Variants in FGGY observed in about 807,000 individuals in gnomAD.
The protein encoded by FGGY is FGGY carbohydrate kinase domain containing.
FGGY carries 72 observed loss-of-function variants against 71.3 expected under a neutral mutation model. The ratio of observed to expected loss-of-function variants is 1.01; its 90% CI spans 0.84 to 1.23. FGGY has a LOEUF of 1.23. FGGY is among the 50% of genes most tolerant of loss of function. FGGY has a pLI of 0.00. For missense variants in FGGY, 668 were observed against 682.3 expected (o/e 0.98, Z 0.23); for synonymous variants, 251 against 250.3 (o/e 1.00, Z -0.02).
intron 5 of FGGY, among the ~76,000 whole-genome samples, chr1:59,405,515 T>A (rs576419034): frequency 6.6e-6 from 1 of 152,362 alleles, no homozygotes; most frequent in South Asian, 2.1e-4. Flanking sequence ...CAATAATTTC[T>A]GCATTGTAGG....
At chr1:59,521,481 GT>G (rs2094832720) in intron 7 of FGGY, among the ~76,000 whole-genome samples, 1 of 152,136 alleles carries the variant, frequency 6.6e-6, no homozygotes, top group African/African-American at 2.4e-5. Flanking sequence ...TGTGTCCCCA[GT>G]TTTTAAATCT....
chr1:59,444,220 G>T (rs1488983765), intron 5 of FGGY, among the ~76,000 whole-genome samples: 1 of 152,114 alleles, frequency 6.6e-6, no homozygotes, highest in Non-Finnish European at 1.5e-5. Context: ...CCGGGTCTTT[G>T]CTCCCTTAAT....
intron 8 of FGGY, among the ~76,000 whole-genome samples, chr1:59,575,108 TG>T (rs1338807971): frequency 6.6e-6 from 1 of 152,214 alleles, no homozygotes; most frequent in African/African-American, 2.4e-5. Flanking sequence ...CATACTTTTT[TG>T]TGGTGAGAAC....
At chr1:59,572,823 T>C (rs938596619) in intron 8 of FGGY, among the ~76,000 whole-genome samples, 9 of 152,212 alleles carry the variant, frequency 5.9e-5, no homozygotes, top group African/African-American at 1.9e-4. Context: ...TAGAGATATC[T>C]GGAGAGAGAG....
chr1:59,610,598 C>G (rs779544823), intron 9 of FGGY, among the ~76,000 whole-genome samples: 21 of 152,222 alleles, frequency 1.4e-4, no homozygotes, highest in Non-Finnish European at 2.8e-4. Context: ...ATGCAGACGA[C>G]CAGTGATTTC....
chr1:59,535,244 C>A (rs1441804431), intron 7 of FGGY, among the ~76,000 whole-genome samples: 2 of 151,928 alleles, frequency 1.3e-5, no homozygotes, highest in African/African-American at 2.4e-5. Context: ...AAGGCCATTA[C>A]ATAATGGTAA....
chr1:59,622,007 A>G (rs545398768), intron 9 of FGGY, among the ~76,000 whole-genome samples: 7 of 151,518 alleles, frequency 4.6e-5, no homozygotes, highest in African/African-American at 1.7e-4. Context: ...ATTCTCATTC[A>G]TATTCTCTCT....
chr1:59,504,847 T>A lies in FGGY; in HGVS notation c.671-7464T>A, dbSNP rs113660209. On this transcript the variant is annotated intron_variant, in intron 6 of 15. Coordinates refer to ENST00000303721, the MANE Select transcript of FGGY (RefSeq NM_018291.5). ...GTATGTTTAATGTTTTTGTCTAAAT[T>A]AATTGATCTTTGTCTTATGATCTCT... Among the ~76,000 whole-genome samples the A allele has an allele frequency of 2.2e-3, 337 of 152,324 alleles. 1 individual carries two copies. Among genetic ancestry groups the A allele is most frequent in the African/African-American group, 7.5e-3 (310 of 41,570 alleles).
At chr1:59,381,660 TG>T (rs2059472260) in intron 5 of FGGY, among the ~76,000 whole-genome samples, 1 of 151,146 alleles carries the variant, frequency 6.6e-6, no homozygotes, top group Non-Finnish European at 1.5e-5. Context: ...TGTGTGTGTG[TG>T]TGTGTGTGTA....
intron 11 of FGGY, among the ~76,000 whole-genome samples, chr1:59,654,330 C>T (rs1303206790): frequency 2.0e-5 from 3 of 152,166 alleles, no homozygotes; most frequent in Non-Finnish European, 2.9e-5. Flanking sequence ...CTCCTCATTG[C>T]CTTGTCCATC....
chr1:59,578,907 C>T lies in FGGY; in HGVS notation c.903+24680C>T, dbSNP rs545566210. 5.9e-5 allele frequency among the ~76,000 whole-genome samples: 9 copies of T among 152,122 alleles called. No individual in the cohort carries two copies. In the South Asian group the frequency reaches 1.2e-3, roughly 21 times the overall value. On this transcript the variant is annotated intron_variant, in intron 8 of 15. Coordinates refer to ENST00000303721, the MANE Select transcript of FGGY (RefSeq NM_018291.5). ...CATCTTAAGAATGGGAGGGGGAGAG[C>T]GAGGTAGAAGAAAAACCTTGACCTT... is the stretch of plus-strand genomic sequence containing the variant.
intron 13 of FGGY, among the ~76,000 whole-genome samples, chr1:59,668,323 C>T (rs2097343785): frequency 6.6e-6 from 1 of 152,118 alleles, no homozygotes; most frequent in African/African-American, 2.4e-5. Flanking sequence ...CTCCCAGGAC[C>T]CATCACTGGG....
Position 59,697,154 on chromosome 1 carries a change from G to A in FGGY, c.1512+23021G>A, listed in dbSNP as rs572794654. On this transcript the variant is annotated intron_variant, in intron 14 of 15. Coordinates refer to ENST00000303721, the MANE Select transcript of FGGY (RefSeq NM_018291.5). ...ACATAATTGTAAATCACCATTGGAG[G>A]AGGTGGTCCTGGTTGTATTCTTTTG... Among the ~76,000 whole-genome samples, 4 of 152,274 alleles carry A rather than the reference G, an allele frequency of 2.6e-5. No homozygotes were observed. In the East Asian group the frequency reaches 7.7e-4, roughly 29 times the overall value.
At chr1:59,502,644 C>G (rs2094261181) in intron 6 of FGGY, among the ~76,000 whole-genome samples, 1 of 152,152 alleles carries the variant, frequency 6.6e-6, no homozygotes, top group African/African-American at 2.4e-5. Flanking sequence ...GGGGAAGATG[C>G]AGGATGGTGC....
At chr1:59,549,166 T>G (rs1168960917) in intron 7 of FGGY, among the ~76,000 whole-genome samples, 1 of 152,194 alleles carries the variant, frequency 6.6e-6, no homozygotes, top group African/African-American at 2.4e-5. Flanking sequence ...TCAATTTGCA[T>G]GTATAAAGCT....
chr1:59,448,066 A>G (rs780053128), intron 5 of FGGY, among the ~76,000 whole-genome samples: 10 of 151,922 alleles, frequency 6.6e-5, no homozygotes, highest in Non-Finnish European at 1.3e-4. Context: ...CTGTAGGGTA[A>G]TCATTTTGCT....
intron 14 of FGGY, among the ~76,000 whole-genome samples, chr1:59,693,742 C>G (rs1209469007): frequency 6.6e-6 from 1 of 152,104 alleles, no homozygotes; most frequent in Non-Finnish European, 1.5e-5. Context: ...CTCGGTGGCT[C>G]ACACCTGTAA....
rs58170089 is a variant in FGGY at position 59,499,299 on chromosome 1, G to GTTTTTTTTTTTTTTTT, written c.671-13011_671-12996dup. ...ACTGAACCCTATGTATACTATGTTT[G>GTTTTTTTTTTTTTTTT]TTTTTTTTTTTTTTTTGATCTGGTA... On this transcript the variant is annotated intron_variant, in intron 6 of 15. Coordinates refer to ENST00000303721, the MANE Select transcript of FGGY (RefSeq NM_018291.5). 7.2e-3 allele frequency among the ~76,000 whole-genome samples: 760 copies of GTTTTTTTTTTTTTTTT among 105,624 alleles called. 59 individuals carry two copies. Among genetic ancestry groups the GTTTTTTTTTTTTTTTT allele is most frequent in the African/African-American group, 0.012 (293 of 25,436 alleles). The allele number at this position is 105,624 out of a possible 152,430, so 69.3% of individuals were successfully genotyped here. A position where few individuals can be genotyped will look rare whatever the true frequency, so the allele number is the denominator to read the frequency against.
chr1:59,631,367 A>G (rs2096907034), intron 10 of FGGY, among the ~76,000 whole-genome samples: 1 of 152,130 alleles, frequency 6.6e-6, no homozygotes, highest in Admixed American at 6.5e-5. Flanking sequence ...CAGCCCAGAT[A>G]CTTAGTAGGT....
Sources: allele counts gnomAD v4.1 joint callset (sites outside exome capture counted in the v4.1 genomes callset), GRCh38; gene constraint gnomAD v4.1.1; transcripts MANE v1.5; gene names NCBI Gene and HGNC (gene_info 2026-07-23, HGNC 2026-07-21).